AKAP19: variants seen among roughly 807,000 people sequenced by gnomAD.
The protein encoded by AKAP19 is small A-kinase anchoring protein.
chr2:189,935,385 A>G, the AKAP19 span, among the ~76,000 whole-genome samples: 2 of 152,086 alleles, frequency 1.3e-5, no homozygotes, highest in African/African-American at 2.4e-5. Flanking sequence ...TAACATTGGT[A>G]AAGTAAATAT....
chr2:190,193,117 T>C, the AKAP19 span, among the ~76,000 whole-genome samples: 971 of 152,224 alleles, frequency 6.4e-3, 7 homozygotes, highest in Non-Finnish European at 9.7e-3. Flanking sequence ...ACCACTAACA[T>C]TACTTTTGAG....
At chr2:190,198,951 C>T in the AKAP19 span, among the ~76,000 whole-genome samples, 1 of 152,144 alleles carries the variant, frequency 6.6e-6, no homozygotes, top group Non-Finnish European at 1.5e-5. Flanking sequence ...GGAGGAAAAA[C>T]CTTTAACCTT....
At chr2:190,174,155 G>A in the AKAP19 span, among the ~76,000 whole-genome samples, 2 of 152,186 alleles carry the variant, frequency 1.3e-5, no homozygotes, top group Non-Finnish European at 2.9e-5. Context: ...GTAGGGACTA[G>A]CTGCATTAGG....
chr2:190,016,092 C>T, the AKAP19 span, among the ~76,000 whole-genome samples: 27 of 152,366 alleles, frequency 1.8e-4, no homozygotes, highest in East Asian at 5.0e-3. Flanking sequence ...GCCCTCCAAA[C>T]TGTTCCAACC....
the AKAP19 span, among the ~76,000 whole-genome samples, chr2:190,034,023 A>G: frequency 6.6e-6 from 1 of 152,202 alleles, no homozygotes; most frequent in Non-Finnish European, 1.5e-5. Context: ...TTTATGGCAC[A>G]TGTATACATA....
the AKAP19 span, among the ~76,000 whole-genome samples, chr2:190,082,830 G>A: frequency 9.3e-4 from 141 of 152,286 alleles, no homozygotes; most frequent in South Asian, 3.3e-3. Flanking sequence ...CTCCACTATA[G>A]CAGTTTTCCA....
At chr2:190,025,484 A>G in the AKAP19 span, among the ~76,000 whole-genome samples, 11 of 152,304 alleles carry the variant, frequency 7.2e-5, no homozygotes, top group East Asian at 1.9e-3. Flanking sequence ...TACATATAGT[A>G]ATGTAACCAC....
At chr2:189,879,751 A>G in the AKAP19 span, 1 of 152,266 alleles carries the variant, frequency 6.6e-6, no homozygotes, top group African/African-American at 2.4e-5. Flanking sequence ...GGAAAAGGAA[A>G]GCTTCACCCC....
At chr2:190,074,423 C>T in the AKAP19 span, among the ~76,000 whole-genome samples, 2 of 152,116 alleles carry the variant, frequency 1.3e-5, no homozygotes, top group African/African-American at 4.8e-5. Flanking sequence ...GAAGCTGAGG[C>T]GGGTGGACCA....
the AKAP19 span, among the ~76,000 whole-genome samples, chr2:189,985,283 C>CT: frequency 1.2e-4 from 19 of 152,098 alleles, no homozygotes; most frequent in East Asian, 3.3e-3. Flanking sequence ...TATGTTTGAG[C>CT]TTTTTTTTCT....
chr2:190,196,883 C>T, the AKAP19 span, among the ~76,000 whole-genome samples: 1 of 152,084 alleles, frequency 6.6e-6, no homozygotes, highest in Non-Finnish European at 1.5e-5. Context: ...TAACAAAATA[C>T]CAGAGACTAG....
At chr2:190,157,146 G>A in the AKAP19 span, among the ~76,000 whole-genome samples, 1 of 152,026 alleles carries the variant, frequency 6.6e-6, no homozygotes, top group Non-Finnish European at 1.5e-5. Flanking sequence ...TGTGGTAGGT[G>A]GTAATAATTT....
the AKAP19 span, among the ~76,000 whole-genome samples, chr2:189,979,654 A>T: frequency 6.6e-6 from 1 of 152,178 alleles, no homozygotes; most frequent in Non-Finnish European, 1.5e-5. Flanking sequence ...AATGGGAGAA[A>T]ATATTTGCAA....
the AKAP19 span, among the ~76,000 whole-genome samples, chr2:190,169,278 C>A: frequency 6.6e-6 from 1 of 152,068 alleles, no homozygotes; most frequent in Non-Finnish European, 1.5e-5. Context: ...CAATTACCTC[C>A]CACCGAGTCC....
chr2:189,921,198 A>G, the AKAP19 span, among the ~76,000 whole-genome samples: 5 of 152,194 alleles, frequency 3.3e-5, no homozygotes, highest in African/African-American at 4.8e-5. Context: ...TTCTGTTGGT[A>G]CTGTTTGCCT....
chr2:190,003,223 G>A, the AKAP19 span, among the ~76,000 whole-genome samples: 1 of 151,950 alleles, frequency 6.6e-6, no homozygotes, highest in African/African-American at 2.4e-5. Flanking sequence ...TCTAGAAATA[G>A]AGTTATGAAA....
the AKAP19 span, among the ~76,000 whole-genome samples, chr2:189,971,419 T>C: frequency 6.6e-6 from 1 of 152,226 alleles, no homozygotes; most frequent in Non-Finnish European, 1.5e-5. Context: ...GTCTTTGCTA[T>C]TGTGAATAAT....
chr2:190,045,905 A>G, the AKAP19 span, among the ~76,000 whole-genome samples: 1 of 152,264 alleles, frequency 6.6e-6, no homozygotes, highest in African/African-American at 2.4e-5. Context: ...AAGACTCCAC[A>G]TAGCCGTGTC....
At chr2:189,923,417 G>C in the AKAP19 span, 3 of 1,613,762 alleles carry the variant, frequency 1.9e-6, no homozygotes, top group South Asian at 3.3e-5. Flanking sequence ...CACTCTTGTG[G>C]TCAAGAAATC....
Sources: allele counts gnomAD v4.1 joint callset (sites outside exome capture counted in the v4.1 genomes callset), GRCh38; gene constraint gnomAD v4.1.1; transcripts MANE v1.5; gene names NCBI Gene and HGNC (gene_info 2026-07-23, HGNC 2026-07-21).